PCM1: variants seen among roughly 807,000 people sequenced by gnomAD.
PCM1 encodes pericentriolar material 1 protein.
PCM1 carries 157 observed loss-of-function variants against 241.9 expected under a neutral mutation model. The ratio of observed to expected loss-of-function variants is 0.65; its 90% CI spans 0.57 to 0.74. The LOEUF (loss-of-function observed/expected upper bound fraction) is 0.74. Ranked by LOEUF, PCM1 falls within the 30% of genes least tolerant of loss-of-function variation. PCM1 has a pLI of 0.00. For synonymous variants in PCM1, 1,085 were observed against 784.9 expected, an observed-to-expected ratio of 1.38 and a Z score of -6.39; for missense variants, 3,478 against 2,360.1, an observed-to-expected ratio of 1.47 and a Z score of -9.81.
chr8:17,964,861 G>T, intron 18 of PCM1, 93 bp downstream of exon 18: 1 of 890,276 alleles, frequency 1.1e-6, no homozygotes, highest in Non-Finnish European at 1.8e-6. Context: ...CAAGCCAACT[G>T]AATGTCCTAC....
intron 16 of PCM1, among the ~76,000 whole-genome samples, chr8:17,962,758 C>G (rs1188825265): frequency 3.3e-5 from 5 of 151,818 alleles, no homozygotes; most frequent in African/African-American, 7.3e-5. Flanking sequence ...AAAAAATTAG[C>G]TAGGTGTAGT....
At chr8:17,988,114 C>A (rs2083228094) in intron 26 of PCM1, among the ~76,000 whole-genome samples, 1 of 151,750 alleles carries the variant, frequency 6.6e-6, no homozygotes, top group Non-Finnish European at 1.5e-5. Context: ...GAAGAAAACA[C>A]ACTTTGTGTC....
chr8:17,926,605 C>G (rs1296540084), intron 2 of PCM1: 1 of 152,126 alleles, frequency 6.6e-6, no homozygotes, highest in African/African-American at 2.4e-5. Flanking sequence ...GCAGAGAAAA[C>G]AGACAGTGGA....
At chr8:18,008,106 A>G (rs1350919481) in intron 30 of PCM1, among the ~76,000 whole-genome samples, 1 of 152,156 alleles carries the variant, frequency 6.6e-6, no homozygotes, top group African/African-American at 2.4e-5. Context: ...GGGATCATTT[A>G]TATCAGGGGT....
intron 2 of PCM1, among the ~76,000 whole-genome samples, chr8:17,929,961 T>C (rs1339179305): frequency 6.6e-6 from 1 of 152,274 alleles, no homozygotes; most frequent in African/African-American, 2.4e-5. Flanking sequence ...CATGGTTGAC[T>C]ATGGGGAACT....
chr8:18,019,979 C>T (rs2093628843), intron 36 of PCM1, among the ~76,000 whole-genome samples: 1 of 152,162 alleles, frequency 6.6e-6, no homozygotes, highest in South Asian at 2.1e-4. Flanking sequence ...TTATGGGATA[C>T]TGCAGATCTT....
In PCM1 at chr8:17,960,125, A is replaced by C. The variant is rs766777004; in HGVS notation, c.2152A>C (p.Asn718His). ...QNSNNTRGNA[N>H]KTQKDTGVNE... ...TTCAAATAACACTAGAGGAAATGCC[A>C]ATAAAACACAGAAAGATACTGGAGT... Residue 718 changes from asparagine to histidine, a missense_variant, in exon 14 of 39, where the codon AAT becomes CAT. Physicochemically the swap from Asn to His is moderately conservative, Grantham distance 68 (BLOSUM62 1). Coordinates refer to ENST00000325083, the MANE Select transcript of PCM1 (RefSeq NM_006197.4). 1 of 1,594,490 alleles carries C rather than the reference A, an allele frequency of 6.3e-7. No individual in the cohort carries two copies. Among genetic ancestry groups the C allele is most frequent in the Non-Finnish European group, 8.6e-7 (1 of 1,169,210 alleles).
In PCM1 at chr8:17,991,515, C is replaced by T. The variant is rs377601802; in HGVS notation, c.4532-27C>T. On this transcript the variant is annotated intron_variant, in intron 27 of 38. Transcript: ENST00000325083. The stretch of plus-strand genomic sequence containing the variant: ...ATGAAAAAGTTCACTTTTACATACT[C>T]AAAAAATATTTTTGTTCCAAATGTA... 7.7e-6 allele frequency: 12 copies of T among 1,549,136 alleles called. No individual in the cohort carries two copies. The African/African-American group carries it at 1.4e-4, about 18-fold the overall frequency.
intron 29 of PCM1, among the ~76,000 whole-genome samples, chr8:17,997,299 C>G (rs1280142178): frequency 6.6e-6 from 1 of 152,116 alleles, no homozygotes; most frequent in Non-Finnish European, 1.5e-5. Context: ...TTTCTTTTCT[C>G]TTGCTGCTTT....
At chr8:17,951,387 C>G (rs1175687632) in intron 8 of PCM1, among the ~76,000 whole-genome samples, 1 of 152,130 alleles carries the variant, frequency 6.6e-6, no homozygotes, top group Non-Finnish European at 1.5e-5. Flanking sequence ...ATAGCAGTAC[C>G]TAGTAAATTT....
intron 3 of PCM1, among the ~76,000 whole-genome samples, chr8:17,936,522 A>G (rs2060476048): frequency 6.6e-6 from 1 of 152,316 alleles, no homozygotes; most frequent in East Asian, 1.9e-4. Flanking sequence ...ATTCCATATT[A>G]GCTGTTACCA....
intron 2 of PCM1, among the ~76,000 whole-genome samples, chr8:17,932,621 C>A (rs935691402): frequency 6.6e-6 from 1 of 151,554 alleles, no homozygotes; most frequent in Admixed American, 6.6e-5. Flanking sequence ...CTTAGTATTT[C>A]TTTGAGATTT....
At chr8:18,006,735 G>A (rs1406419214) in intron 30 of PCM1, among the ~76,000 whole-genome samples, 2 of 152,186 alleles carry the variant, frequency 1.3e-5, no homozygotes, top group African/African-American at 4.8e-5. Context: ...ATTGGCTAAA[G>A]TAATTTGACT....
chr8:17,940,224 G>A, intron 6 of PCM1: 2 of 848,476 alleles, frequency 2.4e-6, no homozygotes, highest in Non-Finnish European at 3.7e-6. Context: ...CAGTTTTCAA[G>A]ATGTTATTTT....
chr8:17,991,978 A>G (rs1564227435), intron 28 of PCM1, among the ~76,000 whole-genome samples: 1 of 152,194 alleles, frequency 6.6e-6, no homozygotes, highest in Non-Finnish European at 1.5e-5. Flanking sequence ...CCTAAGTTAC[A>G]TCACTTAGAT....
In PCM1 at chr8:17,991,649, A is replaced by G. The variant is rs748322207; in HGVS notation, c.4639A>G (p.Ile1547Val). The G allele has an allele frequency of 1.0e-5, 16 of 1,566,842 alleles. No homozygotes were observed. The highest frequency in any genetic ancestry group is 1.4e-5 in the African/African-American group (1 of 73,852). Reference sequence around the variant, plus strand: ...AAATATGAGATGCACCTGCAGGATTATTGAGGATGGAGATGGTGCTGGTGC... The same window carrying G: ...AAATATGAGATGCACCTGCAGGATTGTTGAGGATGGAGATGGTGCTGGTGC... ...NSNMRCTCRI[I>V]EDGDGAGAGT... Residue 1547 changes from isoleucine (I) to valine (V), a missense_variant, in exon 28 of 39, where the codon ATT (isoleucine) becomes GTT (valine). Transcript: ENST00000325083.
rs747828054 is a variant in PCM1, at chr8:17,966,096, C to T, written c.2953C>T (p.Arg985Cys). 11 of 1,613,778 alleles carry T rather than the reference C, an allele frequency of 6.8e-6. No individual in the cohort carries two copies. Among genetic ancestry groups the T allele is most frequent in the South Asian group, 1.1e-5 (1 of 91,070 alleles). The part of the protein sequence containing the change: ...NISMQRQENL[R>C]WVSELSYVEE... Reference sequence around the variant, plus strand: ...CAGCATGCAACGGCAAGAAAACCTTCGTTGGGTGTCAGAGCTCTCTTACGT... The same window carrying T: ...CAGCATGCAACGGCAAGAAAACCTTTGTTGGGTGTCAGAGCTCTCTTACGT... The change falls in exon 19 of 39, where the codon CGT becomes TGT. Residue 985 changes from arginine (R) to cysteine (C), a missense_variant. Arg to Cys is a radical substitution (Grantham distance 180, BLOSUM62 -3). Transcript: ENST00000325083.
At chr8:17,963,498 G>A (rs552048012) in intron 17 of PCM1, among the ~76,000 whole-genome samples, 1 of 152,180 alleles carries the variant, frequency 6.6e-6, no homozygotes, top group South Asian at 2.1e-4. Flanking sequence ...TTTCTCTTTT[G>A]TCTTAAATTA....
intron 24 of PCM1, among the ~76,000 whole-genome samples, chr8:17,984,435 A>AT (rs569819657): frequency 6.6e-6 from 1 of 151,926 alleles, no homozygotes; most frequent in Non-Finnish European, 1.5e-5. Flanking sequence ...GTATCACTTG[A>AT]TTTTATACCT....
Sources: gnomAD v4.1 joint callset for allele counts (sites outside exome capture counted in the v4.1 genomes callset) on GRCh38, gnomAD v4.1.1 for gene constraint, MANE v1.5 for transcripts, NCBI Gene and HGNC (gene_info 2026-07-23, HGNC 2026-07-21) for gene names.